Variants in GRIA4 observed in about 807,000 individuals in gnomAD.
GRIA4 encodes glutamate receptor 4.
A neutral mutation model predicts 104.0 loss-of-function variants in GRIA4; 34 were observed. The ratio of observed to expected loss-of-function variants is 0.33; its 90% CI spans 0.25 to 0.44. GRIA4 has a LOEUF of 0.44. Ranked by LOEUF, GRIA4 falls within the 20% of genes least tolerant of loss-of-function variation. The probability of loss-of-function intolerance (pLI) is 1.00; values close to 1 mark genes in which losing one functional copy is unlikely to be tolerated. For missense variants in GRIA4, 750 were observed against 1,096.5 expected (o/e 0.68, Z 4.46); for synonymous variants, 386 against 381.9 (o/e 1.01, Z -0.13).
chr11:105,673,553 A>G (rs373782829), intron 3 of GRIA4, among the ~76,000 whole-genome samples: 2 of 152,186 alleles, frequency 1.3e-5, no homozygotes, highest in South Asian at 2.1e-4. Context: ...CTCTCTCTCA[A>G]TTAAAAACAA....
At chr11:105,858,307 A>T (rs534970659) in intron 4 of GRIA4, among the ~76,000 whole-genome samples, 1 of 152,238 alleles carries the variant, frequency 6.6e-6, no homozygotes, top group East Asian at 1.9e-4. Context: ...TTGTAAAGAC[A>T]AGAATCACAT....
intron 5 of GRIA4, among the ~76,000 whole-genome samples, chr11:105,884,470 A>G (rs1946180843): frequency 6.6e-6 from 1 of 152,260 alleles, no homozygotes; most frequent in South Asian, 2.1e-4. Flanking sequence ...GACACCACTC[A>G]ATGGATTGTA....
intron 3 of GRIA4, among the ~76,000 whole-genome samples, chr11:105,626,193 A>G (rs1950881812): frequency 1.3e-5 from 2 of 152,076 alleles, no homozygotes; most frequent in African/African-American, 2.4e-5. Context: ...TTAAAGTAAA[A>G]CAAACATAAG....
At chr11:105,854,857 A>G (rs1350693116) in intron 4 of GRIA4, among the ~76,000 whole-genome samples, 4 of 152,130 alleles carry the variant, frequency 2.6e-5, no homozygotes, top group Non-Finnish European at 5.9e-5. Flanking sequence ...GGAAGACTTG[A>G]GTTCATTCAC....
chr11:105,742,882 G>A lies in GRIA4; in HGVS notation c.248-10099G>A, dbSNP rs117895577. ...CTCCTGAGTAGCTGGGATCACAGGC[G>A]CCTGCTGCCATATCTGGCTAATTTT... On this transcript the variant is annotated intron_variant, in intron 3 of 16. Coordinates refer to ENST00000282499, the MANE Select transcript of GRIA4 (RefSeq NM_000829.4). Among the ~76,000 whole-genome samples, 785 of 152,038 alleles carry A rather than the reference G, an allele frequency of 5.2e-3. 9 individuals carry two copies. In the East Asian group the frequency reaches 0.053, roughly 10 times the overall value.
chr11:105,931,717 A>T (rs1591458914), intron 13 of GRIA4, among the ~76,000 whole-genome samples: 1 of 152,254 alleles, frequency 6.6e-6, no homozygotes, highest in East Asian at 1.9e-4. Flanking sequence ...CCCTCAAAAA[A>T]AAAATGAATA....
intron 5 of GRIA4, among the ~76,000 whole-genome samples, chr11:105,882,463 A>G (rs1392943623): frequency 1.3e-5 from 2 of 152,204 alleles, no homozygotes; most frequent in Non-Finnish European, 2.9e-5. Context: ...CTGATTGTGG[A>G]TTAAAGGCCA....
Position 105,898,532 on chromosome 11 carries a change from CAT to C in GRIA4, c.885+106_885+107del, listed in dbSNP as rs540173807. 1.0e-3 allele frequency: 720 copies of C among 704,978 alleles called. 6 individuals are homozygous for C. The African/African-American group carries it at 0.012, about 11-fold the overall frequency. 43.7% of individuals were successfully genotyped at this position (704,978 alleles called of 1,614,324 possible). On this transcript the variant is annotated intron_variant, in intron 7 of 16. Coordinates refer to ENST00000282499, the MANE Select transcript of GRIA4 (RefSeq NM_000829.4). ...TAACATTTTGCCAAACATAGTATGG[CAT>C]GGGAAAAAAGCATTTTGTCCTTATA...
chr11:105,808,997 G>A (rs1291353027), intron 4 of GRIA4, among the ~76,000 whole-genome samples: 1 of 151,836 alleles, frequency 6.6e-6, no homozygotes, highest in African/African-American at 2.4e-5. Context: ...ATTTATTTTT[G>A]AATATAGTAT....
intron 4 of GRIA4, among the ~76,000 whole-genome samples, chr11:105,813,093 CAAAAAAAAAA>C (rs58984237): frequency 1.2e-5 from 1 of 80,446 alleles, no homozygotes; most frequent in African/African-American, 5.4e-5. Flanking sequence ...GACTCCATCT[CAAAAAAAAAA>C]AAAAAAAAAA....
chr11:105,903,703 T>C, intron 7 of GRIA4, 111 bp from the exon 8 acceptor site: 1 of 708,316 alleles, frequency 1.4e-6, no homozygotes, highest in South Asian at 1.8e-5. Flanking sequence ...AATTTAACCA[T>C]CCTTCAGACA....
intron 3 of GRIA4, among the ~76,000 whole-genome samples, chr11:105,651,082 T>C (rs570701623): frequency 1.3e-5 from 2 of 152,290 alleles, no homozygotes; most frequent in Admixed American, 1.3e-4. Flanking sequence ...CTCATGGATA[T>C]CACTTGTCAA....
intron 3 of GRIA4, among the ~76,000 whole-genome samples, chr11:105,745,825 T>C (rs1939624114): frequency 6.6e-6 from 1 of 152,158 alleles, no homozygotes. Flanking sequence ...GTTTTAACCT[T>C]GTTCTTAGCT....
intron 3 of GRIA4, chr11:105,613,220 G>A (rs1297788360): frequency 1.3e-5 from 2 of 151,924 alleles, no homozygotes; most frequent in African/African-American, 4.8e-5. Context: ...CTCTCACCAG[G>A]ACACTGTATA....
At chr11:105,717,132 T>C (rs1024010169) in intron 3 of GRIA4, among the ~76,000 whole-genome samples, 35 of 152,198 alleles carry the variant, frequency 2.3e-4, no homozygotes, top group African/African-American at 8.4e-4. Flanking sequence ...ATTATCTTCA[T>C]CTCCATAGAA....
intron 3 of GRIA4, among the ~76,000 whole-genome samples, chr11:105,724,947 A>G (rs1376705884): frequency 1.3e-5 from 2 of 152,164 alleles, no homozygotes; most frequent in East Asian, 1.9e-4. Context: ...TATATGTTCA[A>G]TTAAGAGCAC....
intron 11 of GRIA4, among the ~76,000 whole-genome samples, chr11:105,921,930 T>A (rs974606222): frequency 3.3e-5 from 5 of 152,070 alleles, no homozygotes; most frequent in Admixed American, 6.6e-5. Context: ...GAAAATGATT[T>A]TTCTAGAACA....
chr11:105,638,280 G>C (rs1040831576), intron 3 of GRIA4, among the ~76,000 whole-genome samples: 1 of 152,116 alleles, frequency 6.6e-6, no homozygotes, highest in African/African-American at 2.4e-5. Flanking sequence ...GTGAAAGATG[G>C]AGTGAAAGAG....
intron 3 of GRIA4, among the ~76,000 whole-genome samples, chr11:105,694,039 C>T (rs186555831): frequency 7.2e-5 from 11 of 152,186 alleles, no homozygotes; most frequent in South Asian, 2.1e-4. Context: ...TTATTTTGCA[C>T]GAACCACCAG....
Sources: gnomAD v4.1 joint callset for allele counts (sites outside exome capture counted in the v4.1 genomes callset) on GRCh38, gnomAD v4.1.1 for gene constraint, MANE v1.5 for transcripts, NCBI Gene and HGNC (gene_info 2026-07-23, HGNC 2026-07-21) for gene names.